Variants in SLC2A13 observed in about 807,000 individuals in gnomAD.
SLC2A13 encodes solute carrier family 2 member 13.
A neutral mutation model predicts 64.4 loss-of-function variants in SLC2A13; 32 were observed. The observed-to-expected ratio is 0.50, with a 90% CI of 0.37 to 0.67. SLC2A13 has a LOEUF of 0.67. Ranked by LOEUF, SLC2A13 falls within the 30% of genes least tolerant of loss-of-function variation. SLC2A13 has a pLI of 0.00. For synonymous variants in SLC2A13, 338 were observed against 327.1 expected (o/e 1.03, Z -0.36); for missense variants, 743 against 829.2 (o/e 0.90, Z 1.28).
Position 40,105,270 on chromosome 12 carries a change from ACCAGGCGG to A in SLC2A13, c.531_538del (p.Leu179GlyfsTer31). ...GAACTCACCGATGCCGAGTCCCACG[ACCAGGCGG>A]CCGGCGAGCAGTGTCTCCTTGTTGT... On this transcript the variant is annotated frameshift_variant, in exon 1 of 10. Transcript: ENST00000280871. LOFTEE classifies it high-confidence loss of function. This position sits in a 1 kb window ranked among gnomAD's most constrained non-coding sequence, Gnocchi z 4.2. The A allele has an allele frequency of 6.3e-7, 1 of 1,596,214 alleles. No homozygotes were observed. The highest frequency in any genetic ancestry group is 8.5e-7 in the Non-Finnish European group (1 of 1,173,904).
chr12:39,916,627 A>G (rs1203624513), intron 4 of SLC2A13, among the ~76,000 whole-genome samples: 1 of 152,110 alleles, frequency 6.6e-6, no homozygotes, highest in Admixed American at 6.6e-5. Flanking sequence ...CTGGGAACAC[A>G]GAGTTGTATA....
At chr12:39,828,577 T>G (rs1304159426) in intron 7 of SLC2A13, among the ~76,000 whole-genome samples, 1 of 152,144 alleles carries the variant, frequency 6.6e-6, no homozygotes, top group East Asian at 1.9e-4. Context: ...AACATCTAAT[T>G]TTAGTGTCTC....
At chr12:40,061,809 C>CAA (rs200751726) in intron 1 of SLC2A13, among the ~76,000 whole-genome samples, 38 of 116,484 alleles carry the variant, frequency 3.3e-4, no homozygotes, top group Non-Finnish European at 1.3e-4. Flanking sequence ...TTTGACAATC[C>CAA]AAAAAAAAAA....
At chr12:39,844,863 T>C (rs1943266526) in intron 6 of SLC2A13, among the ~76,000 whole-genome samples, 1 of 152,056 alleles carries the variant, frequency 6.6e-6, no homozygotes, top group Non-Finnish European at 1.5e-5. Context: ...TTGCTTGAAA[T>C]ATTACAAGGA....
intron 1 of SLC2A13, among the ~76,000 whole-genome samples, chr12:40,087,220 T>C (rs1397187869): frequency 3.3e-5 from 5 of 152,210 alleles, no homozygotes; most frequent in Admixed American, 3.3e-4. Flanking sequence ...CTATTTGGCT[T>C]TCCAAAGGCC....
chr12:39,943,754 T>G (rs1946082748), intron 4 of SLC2A13, among the ~76,000 whole-genome samples: 1 of 152,236 alleles, frequency 6.6e-6, no homozygotes, highest in Non-Finnish European at 1.5e-5. Flanking sequence ...CATGAGGGAC[T>G]GTGCCATGAA....
intron 4 of SLC2A13, among the ~76,000 whole-genome samples, chr12:39,896,251 T>C (rs1484693352): frequency 2.0e-5 from 2 of 97,714 alleles, no homozygotes. Context: ...TATGTATACA[T>C]GTATGTATAT....
At chr12:39,801,451 G>A (rs1192788575) in intron 7 of SLC2A13, among the ~76,000 whole-genome samples, 1 of 151,804 alleles carries the variant, frequency 6.6e-6, no homozygotes, top group Non-Finnish European at 1.5e-5. Context: ...CAGAGAAAAT[G>A]ACAATCTGCT....
At chr12:40,018,144 T>G (rs1300775051) in intron 3 of SLC2A13, among the ~76,000 whole-genome samples, 1 of 152,230 alleles carries the variant, frequency 6.6e-6, no homozygotes, top group South Asian at 2.1e-4. Flanking sequence ...CTGGCCGGCT[T>G]TCTGTTTTTA....
In SLC2A13 at chr12:39,830,185, A is replaced by G; in HGVS notation, c.1363T>C (p.Tyr455His). Residue 455 changes from tyrosine (Y) to histidine (H), a missense_variant, in exon 7 of 10, where the codon TAC becomes CAC. Transcript: ENST00000280871. ...CMLDPDCGFC[Y>H]KMNKSTVIDS... The stretch of plus-strand genomic sequence containing the variant: ...ATGACAGTTGATTTGTTCATCTTGT[A>G]GCAGAAACCGCAGTCTGGATCCAAC... The G allele has an allele frequency of 6.2e-7, 1 of 1,613,716 alleles. No homozygotes were observed. The highest frequency in any genetic ancestry group is 8.5e-7 in the Non-Finnish European group (1 of 1,179,782).
chr12:39,994,665 G>T (rs1947197900), intron 3 of SLC2A13, among the ~76,000 whole-genome samples: 1 of 152,038 alleles, frequency 6.6e-6, no homozygotes. Context: ...TCATCTACCT[G>T]GGCGTAATAA....
chr12:40,098,063 A>ATG (rs993261466), intron 1 of SLC2A13, among the ~76,000 whole-genome samples: 5 of 151,104 alleles, frequency 3.3e-5, no homozygotes, highest in African/African-American at 1.2e-4. Flanking sequence ...ATATGTATAT[A>ATG]TGTGTATATA....
In SLC2A13 at chr12:40,103,485, C is replaced by A. The variant is rs543344122; in HGVS notation, c.556+1768G>T. On this transcript the variant is annotated intron_variant, in intron 1 of 9. Coordinates refer to ENST00000280871, the MANE Select transcript of SLC2A13 (RefSeq NM_052885.4). ...ACTAAAGTATAATACATTCTCCTCA[C>A]TATTCAGCTCACAACATCTGGAAGG... Among the ~76,000 whole-genome samples, 9 of 152,316 alleles carry A rather than the reference C, an allele frequency of 5.9e-5. 1 individual carries two copies. The South Asian group carries it at 1.9e-3, about 32-fold the overall frequency.
intron 3 of SLC2A13, among the ~76,000 whole-genome samples, chr12:40,017,180 A>G (rs949015032): frequency 5.3e-5 from 8 of 152,342 alleles, no homozygotes; most frequent in Admixed American, 2.6e-4. Flanking sequence ...AGAAAGTCAA[A>G]GAAACATTTA....
At chr12:39,812,996 A>ATTTTTTT (rs71449493) in intron 7 of SLC2A13, among the ~76,000 whole-genome samples, 2,841 of 40,580 alleles carry the variant, frequency 0.07, 1,168 homozygotes, top group African/African-American at 0.11. Flanking sequence ...TGCCCAGCTA[A>ATTTTTTT]TTTTTTTTTT....
At chr12:39,919,987 T>C (rs1945587262) in intron 4 of SLC2A13, among the ~76,000 whole-genome samples, 1 of 152,040 alleles carries the variant, frequency 6.6e-6, no homozygotes, top group Non-Finnish European at 1.5e-5. Context: ...CTCTGAGTAA[T>C]ATTTTAATCA....
At chr12:39,935,976 C>T (rs1945910752) in intron 4 of SLC2A13, among the ~76,000 whole-genome samples, 2 of 152,202 alleles carry the variant, frequency 1.3e-5, no homozygotes. Flanking sequence ...TTTATATACC[C>T]TTGCGTAGGG....
Position 39,893,683 on chromosome 12 carries a change from CT to C in SLC2A13, c.1035-21723del, listed in dbSNP as rs528520403. The stretch of plus-strand genomic sequence containing the variant: ...TTAAATTCTAACTAGAAAAACTGAT[CT>C]TTTATGCAATAAAGATTATGTGCTT... On this transcript the variant is annotated intron_variant, in intron 4 of 9. Coordinates refer to ENST00000280871, the MANE Select transcript of SLC2A13 (RefSeq NM_052885.4). Among the ~76,000 whole-genome samples the C allele has an allele frequency of 6.3e-3, 964 of 152,284 alleles. 7 individuals carry two copies. The highest frequency in any genetic ancestry group is 0.022 in the African/African-American group (933 of 41,560).
At chr12:39,829,114 A>G (rs1292369556) in intron 7 of SLC2A13, among the ~76,000 whole-genome samples, 1 of 152,094 alleles carries the variant, frequency 6.6e-6, no homozygotes. Flanking sequence ...TTTAAAACAC[A>G]AAATAGATTA....
Sources: gnomAD v4.1 joint callset for allele counts (sites outside exome capture counted in the v4.1 genomes callset) on GRCh38, gnomAD v4.1.1 for gene constraint, Gnocchi (gnomAD v3.1) non-coding constraint, MANE v1.5 for transcripts, NCBI Gene and HGNC (gene_info 2026-07-23, HGNC 2026-07-21) for gene names.